Variants in PUS10 observed in about 807,000 individuals in gnomAD.
The protein encoded by PUS10 is tRNA pseudouridine synthase Pus10.
In PUS10, 59 loss-of-function variants were observed where a neutral mutation model predicts 75.0. The observed-to-expected ratio is 0.79, with a 90% confidence interval of 0.64 to 0.98. PUS10 has a LOEUF of 0.98. PUS10 is among the 50% of genes least tolerant of loss of function. The probability of loss-of-function intolerance (pLI) is 0.00; values close to 1 mark genes in which losing one functional copy is unlikely to be tolerated. For missense variants in PUS10, 650 were observed against 614.4 expected (o/e 1.06, Z -0.61); for synonymous variants, 219 against 211.6 (o/e 1.03, Z -0.30).
rs1176002371 is a variant in PUS10 at position 61,008,667 on chromosome 2, CTT to C, written c.381+92_381+93del. On this transcript the variant is annotated intron_variant, in intron 3 of 17. Transcript: ENST00000316752. ...AGAATGAGACCCAAAAAAGAATTGT[CTT>C]GTCTTGAAAAAAGGAAAGAAAAAAG... 31 of 1,069,814 alleles carry C rather than the reference CTT, an allele frequency of 2.9e-5. No homozygotes were observed. In the East Asian group the frequency reaches 6.2e-4, roughly 21 times the overall value. 66.3% of individuals were successfully genotyped at this position (1,069,814 alleles called of 1,614,324 possible).
intron 16 of PUS10, among the ~76,000 whole-genome samples, chr2:60,947,214 TTTTG>T (rs1674998234): frequency 6.6e-6 from 1 of 152,206 alleles, no homozygotes; most frequent in African/African-American, 2.4e-5. Flanking sequence ...ATCGTTTTGT[TTTTG>T]TTTTTTTTTC....
chr2:60,995,549 G>GC (rs1678399498), intron 4 of PUS10, among the ~76,000 whole-genome samples: 1 of 152,120 alleles, frequency 6.6e-6, no homozygotes, highest in South Asian at 2.1e-4. Context: ...CCTGAAATAG[G>GC]CAAGAGTCTG....
At position 60,940,778 on chromosome 2, in the gene PUS10, C is replaced by T. The variant is rs558758983; in HGVS notation, c.*1617G>A. ...CAAAATTTTCCCAGAAACTGAGGAACATCCACACAGAAATTCTTACCTTTT... is the reference window on the plus strand; with the variant it reads ...CAAAATTTTCCCAGAAACTGAGGAATATCCACACAGAAATTCTTACCTTTT... On this transcript the variant is annotated 3_prime_UTR_variant, in exon 18 of 18. Transcript: ENST00000316752. 1 of 152,326 alleles carries T rather than the reference C, an allele frequency of 6.6e-6. No individual in the cohort carries two copies. Among genetic ancestry groups the T allele is most frequent in the African/African-American group, 2.4e-5 (1 of 41,456 alleles). 9.4% of individuals were successfully genotyped at this position (152,326 alleles called of 1,614,324 possible).
intron 2 of PUS10, among the ~76,000 whole-genome samples, chr2:61,009,610 GC>G (rs1173475572): frequency 6.6e-6 from 1 of 152,134 alleles, no homozygotes; most frequent in Non-Finnish European, 1.5e-5. Context: ...TGAAAGCCAT[GC>G]TCTACTATAT....
At chr2:61,006,763 C>A in intron 3 of PUS10, 120 bp from the exon 4 acceptor site, 1 of 691,130 alleles carries the variant, frequency 1.4e-6, no homozygotes, top group Non-Finnish European at 2.4e-6. Flanking sequence ...CAAACTTTCA[C>A]ATTTGACAGT....
chr2:60,965,441 A>G lies in PUS10; in HGVS notation c.659T>C (p.Val220Ala). ...VSVVFAHPETVEDCHFLAAIC... is the reference protein window; with the variant it reads ...VSVVFAHPETAEDCHFLAAIC... The stretch of plus-strand genomic sequence containing the variant: ...AACTTACAGGAAGTGGCAATCCTCA[A>G]CTGTTTCTGGGTGAGCAAAGACCAC... The change falls in exon 7 of 18, where the codon GTT becomes GCT. Residue 220 changes from valine (V) to alanine (A), a missense_variant. Physicochemically the swap from Val to Ala is moderately conservative, Grantham distance 64 (BLOSUM62 0). Transcript: ENST00000316752. 1 of 1,611,974 alleles carries G rather than the reference A, an allele frequency of 6.2e-7. No individual in the cohort carries two copies. Among genetic ancestry groups the G allele is most frequent in the East Asian group, 2.2e-5 (1 of 44,828 alleles).
chr2:60,953,074 T>C lies in PUS10; in HGVS notation c.1231A>G (p.Thr411Ala), dbSNP rs765128930. 28 of 1,608,848 alleles carry C rather than the reference T, an allele frequency of 1.7e-5. No homozygotes were observed. The highest frequency in any genetic ancestry group is 2.3e-5 in the Non-Finnish European group (27 of 1,175,328). The change falls in exon 15 of 18, where the codon ACA becomes GCA. Residue 411 changes from threonine to alanine, a missense_variant. Physicochemically the swap from Thr to Ala is moderately conservative, Grantham distance 58. Coordinates refer to ENST00000316752, the MANE Select transcript of PUS10 (RefSeq NM_144709.4). ...GHMKEGEEEK[T>A]KTYSALIWTN... ...CAAATTAAGGCACTGTAGGTCTTTGTCTTTTCTTCTTCACCTTCTTTCATA... is the reference window on the plus strand; with the variant it reads ...CAAATTAAGGCACTGTAGGTCTTTGCCTTTTCTTCTTCACCTTCTTTCATA...
intron 16 of PUS10, among the ~76,000 whole-genome samples, chr2:60,947,191 A>T (rs556785829): frequency 6.6e-6 from 1 of 152,262 alleles, no homozygotes; most frequent in African/African-American, 2.4e-5. Context: ...CTAACTAATG[A>T]TATGTCATCT....
At chr2:60,967,409 A>G (rs1177560222) in intron 6 of PUS10, 93 bp downstream of exon 6, 3 of 783,732 alleles carry the variant, frequency 3.8e-6, no homozygotes, top group Non-Finnish European at 6.3e-6. Context: ...TTATTTAAAA[A>G]GAAGTTTTTT....
intron 4 of PUS10, among the ~76,000 whole-genome samples, chr2:60,990,270 G>A (rs867034205): frequency 6.6e-6 from 1 of 152,256 alleles, no homozygotes; most frequent in Middle Eastern, 3.4e-3. Context: ...TTTGTTAATA[G>A]TGGATCAACC....
At chr2:60,965,209 G>A in intron 7 of PUS10, 106 bp from the exon 8 acceptor site, 1 of 1,178,018 alleles carries the variant, frequency 8.5e-7, no homozygotes, top group South Asian at 1.3e-5. Context: ...AGGACATCAG[G>A]AGCAGACAAA....
chr2:60,993,134 G>T (rs1678217896), intron 4 of PUS10, among the ~76,000 whole-genome samples: 1 of 152,032 alleles, frequency 6.6e-6, no homozygotes, highest in African/African-American at 2.4e-5. Context: ...GCTCAACTAG[G>T]GTTTTTTACA....
At position 60,942,321 on chromosome 2, in the gene PUS10, AT is replaced by A. The variant is rs1674666579; in HGVS notation, c.*73del. ...ACACCGTTATGGTGGGTAAACAGCC[AT>A]TTTACGGCATGTGCTCCATGGATGT... On this transcript the variant is annotated 3_prime_UTR_variant, in exon 18 of 18. Transcript: ENST00000316752. 1.6e-6 allele frequency: 2 copies of A among 1,253,896 alleles called. No individual in the cohort carries two copies. Among genetic ancestry groups the A allele is most frequent in the Admixed American group, 3.4e-5 (2 of 59,318 alleles). 77.7% of individuals were successfully genotyped at this position (1,253,896 alleles called of 1,614,324 possible). A position where few individuals can be genotyped will look rare whatever the true frequency, so the allele number is the denominator to read the frequency against.
chr2:61,014,882 G>A (rs569697181), intron 1 of PUS10, among the ~76,000 whole-genome samples: 8 of 152,302 alleles, frequency 5.3e-5, no homozygotes, highest in African/African-American at 1.9e-4. Context: ...GTTGCTAAAT[G>A]TTTGGGGCCA....
intron 4 of PUS10, among the ~76,000 whole-genome samples, chr2:60,999,915 T>C (rs982562585): frequency 6.6e-6 from 1 of 152,190 alleles, no homozygotes; most frequent in African/African-American, 2.4e-5. Context: ...ACCCACATTG[T>C]AGTATATAAG....
chr2:60,990,764 G>C (rs1016394138), intron 4 of PUS10, among the ~76,000 whole-genome samples: 4 of 151,682 alleles, frequency 2.6e-5, no homozygotes, highest in African/African-American at 9.7e-5. Flanking sequence ...CTTTTCTTTT[G>C]AGACAGGGTC....
intron 4 of PUS10, among the ~76,000 whole-genome samples, chr2:60,992,014 T>TC (rs1415609796): frequency 6.9e-6 from 1 of 145,254 alleles, no homozygotes; most frequent in African/African-American, 2.5e-5. Flanking sequence ...CAGAAGCACT[T>TC]TTTTTTTTTT....
intron 9 of PUS10, among the ~76,000 whole-genome samples, chr2:60,962,267 G>T (rs1452627943): frequency 6.6e-6 from 1 of 152,184 alleles, no homozygotes; most frequent in Non-Finnish European, 1.5e-5. Flanking sequence ...TCTTCTAAAA[G>T]ATCAAGAAGT....
At chr2:60,958,157 C>T (rs1043182592) in intron 11 of PUS10, among the ~76,000 whole-genome samples, 1 of 152,188 alleles carries the variant, frequency 6.6e-6, no homozygotes, top group African/African-American at 2.4e-5. Context: ...TGGAACCTGA[C>T]ACTTGGCGTG....
Sources: allele counts gnomAD v4.1 joint callset (sites outside exome capture counted in the v4.1 genomes callset), GRCh38; gene constraint gnomAD v4.1.1; transcripts MANE v1.5; gene names NCBI Gene and HGNC (gene_info 2026-07-23, HGNC 2026-07-21).